The following RAB3IP variants were observed in gnomAD, a reference collection of about 807,000 sequenced individuals.
RAB3IP encodes rab-3A-interacting protein.
In RAB3IP, 36 loss-of-function variants were observed where a neutral mutation model predicts 59.1. The ratio of observed to expected loss-of-function variants is 0.61; its 90% CI spans 0.47 to 0.80. RAB3IP has a LOEUF of 0.80. RAB3IP is among the 30% of genes least tolerant of loss of function. The pLI is 0.00. For missense variants in RAB3IP, 511 were observed against 536.0 expected, an observed-to-expected ratio of 0.95 and a Z score of 0.46; for synonymous variants, 207 against 191.2, an observed-to-expected ratio of 1.08 and a Z score of -0.68.
intron 3 of RAB3IP, among the ~76,000 whole-genome samples, chr12:69,773,124 TC>T (rs1437728853): frequency 6.6e-6 from 1 of 152,166 alleles, no homozygotes. Flanking sequence ...TCCTACTTCC[TC>T]CTGATCTGCA....
chr12:69,759,642 TG>T (rs776605757), intron 3 of RAB3IP, among the ~76,000 whole-genome samples: 5,694 of 128,034 alleles, frequency 0.044, 127 homozygotes, highest in South Asian at 0.053. Flanking sequence ...ACGGGGCGGC[TG>T]GCTGGGCGGG....
intron 3 of RAB3IP, among the ~76,000 whole-genome samples, chr12:69,764,029 TTCCATG>T (rs1871798493): frequency 6.6e-6 from 1 of 152,232 alleles, no homozygotes; most frequent in Non-Finnish European, 1.5e-5. Flanking sequence ...TCTAGGTTGA[TTCCATG>T]TCTTTGCTAT....
At chr12:69,764,481 G>A (rs1871876404) in intron 3 of RAB3IP, among the ~76,000 whole-genome samples, 1 of 152,028 alleles carries the variant, frequency 6.6e-6, no homozygotes. Flanking sequence ...TCTGGGTTCT[G>A]TATTTTGTTC....
intron 4 of RAB3IP, among the ~76,000 whole-genome samples, chr12:69,787,520 A>G (rs1016378475): frequency 1.1e-4 from 17 of 152,200 alleles, no homozygotes; most frequent in African/African-American, 3.1e-4. Flanking sequence ...AGGCACTCAT[A>G]TTCATGATCC....
At chr12:69,761,788 A>G (rs544123330) in intron 3 of RAB3IP, among the ~76,000 whole-genome samples, 4 of 152,284 alleles carry the variant, frequency 2.6e-5, no homozygotes, top group African/African-American at 7.2e-5. Context: ...GTAACCCCCA[A>G]ATTTTCGTGA....
At chr12:69,801,954 G>T (rs1403781608) in intron 8 of RAB3IP, among the ~76,000 whole-genome samples, 1 of 144,490 alleles carries the variant, frequency 6.9e-6, no homozygotes, top group African/African-American at 2.5e-5. Context: ...AAGTAATCGT[G>T]CTTGTTGCCA....
intron 3 of RAB3IP, among the ~76,000 whole-genome samples, chr12:69,782,514 A>G (rs551316753): frequency 3.0e-4 from 45 of 151,956 alleles, no homozygotes; most frequent in Non-Finnish European, 5.0e-4. Context: ...GTTGATCATC[A>G]TTTCACATGC....
chr12:69,805,313 A>G (rs549562195), intron 8 of RAB3IP, among the ~76,000 whole-genome samples: 1 of 152,184 alleles, frequency 6.6e-6, no homozygotes, highest in South Asian at 2.1e-4. Flanking sequence ...TTATTGGTGT[A>G]TAAGAATGCT....
intron 4 of RAB3IP, among the ~76,000 whole-genome samples, chr12:69,789,827 A>G (rs1386875275): frequency 6.6e-6 from 1 of 152,212 alleles, no homozygotes; most frequent in Non-Finnish European, 1.5e-5. Context: ...GAATGATATA[A>G]TAATATACAT....
In RAB3IP at chr12:69,816,625, ATC is replaced by A. The variant is rs1371960907; in HGVS notation, c.*1181_*1182del. ...TTATAATGCTGTGACGAGTATCCTT[ATC>A]TGTACACTTCTGAACATTGTGGAGT... On this transcript the variant is annotated 3_prime_UTR_variant, in exon 11 of 11. Transcript: ENST00000247833. 1 of 152,174 alleles carries A rather than the reference ATC, an allele frequency of 6.6e-6. No individual in the cohort carries two copies. The highest frequency in any genetic ancestry group is 1.5e-5 in the Non-Finnish European group (1 of 68,024). The allele number at this position is 152,174 out of a possible 1,614,324, so 9.4% of individuals were successfully genotyped here.
intron 3 of RAB3IP, among the ~76,000 whole-genome samples, chr12:69,768,310 G>T (rs556460167): frequency 1.4e-4 from 21 of 152,294 alleles, no homozygotes; most frequent in Admixed American, 2.6e-4. Context: ...CAGGTGAGTG[G>T]GTGCTCCAAA....
At chr12:69,803,493 A>ATTT (rs1325027761) in intron 8 of RAB3IP, among the ~76,000 whole-genome samples, 6 of 151,142 alleles carry the variant, frequency 4.0e-5, no homozygotes, top group African/African-American at 1.5e-4. Flanking sequence ...TTTTTTTTTA[A>ATTT]TTTTTTTATT....
chr12:69,741,359 A>G (rs1887322889), intron 1 of RAB3IP, among the ~76,000 whole-genome samples: 1 of 152,218 alleles, frequency 6.6e-6, no homozygotes, highest in Non-Finnish European at 1.5e-5. Flanking sequence ...CAGAGCCGGT[A>G]TTAAAAACTG....
At position 69,798,997 on chromosome 12, in the gene RAB3IP, A is replaced by G. The variant is rs143004089; in HGVS notation, c.889-1212A>G. Among the ~76,000 whole-genome samples the G allele has an allele frequency of 4.4e-3, 676 of 152,318 alleles. 5 individuals are homozygous for G. Among genetic ancestry groups the G allele is most frequent in the African/African-American group, 0.014 (562 of 41,582 alleles). ...TTTAGAAGATAAATGGAATTGAGGAAGTGTCCTTTTTCTCAGTAACTTTAC... is the reference window on the plus strand; with the variant it reads ...TTTAGAAGATAAATGGAATTGAGGAGGTGTCCTTTTTCTCAGTAACTTTAC... On this transcript the variant is annotated intron_variant, in intron 6 of 10. Transcript: ENST00000247833.
At chr12:69,813,900 AG>A (rs1330074446) in intron 10 of RAB3IP, among the ~76,000 whole-genome samples, 1 of 152,122 alleles carries the variant, frequency 6.6e-6, no homozygotes, top group Non-Finnish European at 1.5e-5. Context: ...ATAAAAACTT[AG>A]TTTAGCCTTT....
At chr12:69,799,158 A>T (rs1877988510) in intron 6 of RAB3IP, among the ~76,000 whole-genome samples, 1 of 152,216 alleles carries the variant, frequency 6.6e-6, no homozygotes, top group Non-Finnish European at 1.5e-5. Flanking sequence ...TATACACCTT[A>T]AAAGGAAGTC....
In RAB3IP at chr12:69,823,151, G is replaced by A. The variant is rs748263463; in HGVS notation, c.*7705G>A. The A allele has an allele frequency of 6.6e-6, 1 of 151,918 alleles. No individual in the cohort carries two copies. Among genetic ancestry groups the A allele is most frequent in the Admixed American group, 6.6e-5 (1 of 15,248 alleles). 9.4% of individuals were successfully genotyped at this position (151,918 alleles called of 1,614,324 possible). On this transcript the variant is annotated 3_prime_UTR_variant, in exon 11 of 11. Coordinates refer to ENST00000247833, the MANE Select transcript of RAB3IP (RefSeq NM_022456.5). ...ATCATTGTGTACCCCATGAATATGG[G>A]CAATTATTATTTGTTAATTAAAAAA...
Position 69,784,797 on chromosome 12 carries a change from C to CACAG in RAB3IP, c.589_592dup (p.Ala198AspfsTer3), listed in dbSNP as rs768616019. On this transcript the variant is annotated frameshift_variant, in exon 4 of 11. Transcript: ENST00000247833. LOFTEE classifies it high-confidence loss of function. ...AACTTGGACAGGAATTGGAAGAACT[C>CACAG]ACAGCTAGTCTATTTGAGGTTGGTC... The CACAG allele has an allele frequency of 6.2e-7, 1 of 1,604,954 alleles. No individual in the cohort carries two copies. Among genetic ancestry groups the CACAG allele is most frequent in the South Asian group, 1.1e-5 (1 of 90,266 alleles).
In RAB3IP at chr12:69,755,365, G is replaced by A; in HGVS notation, c.-25-19G>A. ...TGTTATTATCTAAAAATAAGTATCT[G>A]CTTTTTGTTTTAACATAGGTTATCT... On this transcript the variant is annotated intron_variant, in intron 1 of 10. Transcript: ENST00000247833. 3 of 1,587,744 alleles carry A rather than the reference G, an allele frequency of 1.9e-6. No homozygotes were observed. The highest frequency in any genetic ancestry group is 2.6e-6 in the Non-Finnish European group (3 of 1,164,014).
Sources: gnomAD v4.1 joint callset for allele counts (sites outside exome capture counted in the v4.1 genomes callset) on GRCh38, gnomAD v4.1.1 for gene constraint, MANE v1.5 for transcripts, NCBI Gene and HGNC (gene_info 2026-07-23, HGNC 2026-07-21) for gene names.